Variants in DPEP1 observed in about 807,000 individuals in gnomAD.
DPEP1 encodes dipeptidase 1.
Under a neutral mutation model 42.3 loss-of-function variants are expected in DPEP1, and 50 were observed. The observed-to-expected ratio is 1.18, with a 90% CI of 0.94 to 1.50. DPEP1 has a LOEUF of 1.50. Among genes scored for constraint, DPEP1 ranks in the 40% most tolerant of loss-of-function variants. The pLI is 0.00. For missense variants in DPEP1, 663 were observed against 553.0 expected (o/e 1.20, Z -1.99); for synonymous variants, 297 against 234.0 (o/e 1.27, Z -2.46).
intron 1 of DPEP1, among the ~76,000 whole-genome samples, chr16:89,628,224 A>G (rs1189995000): frequency 3.6e-5 from 5 of 138,072 alleles, no homozygotes; most frequent in Non-Finnish European, 7.8e-5. Flanking sequence ...ACCCGGCCAC[A>G]AAAGGTATTT....
chr16:89,618,762 G>A (rs1056636907), intron 1 of DPEP1, among the ~76,000 whole-genome samples: 2 of 152,056 alleles, frequency 1.3e-5, no homozygotes, highest in African/African-American at 4.8e-5. Flanking sequence ...CCCGGGCAAA[G>A]TTGCACAATT....
intron 1 of DPEP1, among the ~76,000 whole-genome samples, chr16:89,626,742 C>G (rs1420876248): frequency 6.6e-6 from 1 of 152,128 alleles, no homozygotes; most frequent in East Asian, 1.9e-4. Flanking sequence ...CTCCCTTTGC[C>G]TTCGGCCATG....
chr16:89,626,195 T>C (rs558525430), intron 1 of DPEP1, among the ~76,000 whole-genome samples: 4 of 152,206 alleles, frequency 2.6e-5, no homozygotes, highest in African/African-American at 9.6e-5. Context: ...TGCGGTTTGG[T>C]TCTGTGTCCC....
chr16:89,637,881 C>A lies in DPEP1; in HGVS notation c.975C>A (p.Ile325=), dbSNP rs764111326. Residue 325 remains isoleucine, a synonymous_variant, in exon 10 of 11, where the codon ATC becomes ATA. Transcript: ENST00000690203. ...LEDVSKYPDL[I]AELLRRNWTE... is the part of the protein sequence containing the mutation. ...ACGTCTCCAAGTATCCAGACCTGAT[C>A]GCTGAGCTGCTCAGGAGGAACTGGA... 5.0e-6 allele frequency: 8 copies of A among 1,612,670 alleles called. No homozygotes were observed. In the Admixed American group the frequency reaches 1.3e-4, roughly 27 times the overall value.
chr16:89,613,848 G>A (rs185929952), intron 1 of DPEP1, 129 bp downstream of exon 1: 32 of 162,224 alleles, frequency 2.0e-4, no homozygotes, highest in Admixed American at 3.9e-4. Context: ...GGGACGCGGC[G>A]GCTTCCTGGG....
chr16:89,632,723 A>C (rs2059605565), intron 2 of DPEP1, among the ~76,000 whole-genome samples: 1 of 152,128 alleles, frequency 6.6e-6, no homozygotes, highest in South Asian at 2.1e-4. Context: ...TCCCACTGAG[A>C]AACCAGAGGC....
At chr16:89,637,428 TC>T in intron 7 of DPEP1, 39 bp from the exon 8 acceptor site, 1 of 1,612,742 alleles carries the variant, frequency 6.2e-7, no homozygotes, top group East Asian at 2.2e-5. Context: ...GGGCAGGCCC[TC>T]CCAGCTCTCA....
chr16:89,628,877 A>G (rs1404544619), intron 1 of DPEP1, among the ~76,000 whole-genome samples: 3 of 151,974 alleles, frequency 2.0e-5, no homozygotes, highest in African/African-American at 7.3e-5. Flanking sequence ...CCCAGGCTGA[A>G]GTGCAGTGGC....
At chr16:89,627,272 CAAAA>C (rs751000812) in intron 1 of DPEP1, among the ~76,000 whole-genome samples, 1 of 80,596 alleles carries the variant, frequency 1.2e-5, no homozygotes, top group Non-Finnish European at 2.3e-5. Context: ...GACTCCGTCT[CAAAA>C]AAAAAAAAAA....
At chr16:89,614,572 A>G (rs892616598) in intron 1 of DPEP1, among the ~76,000 whole-genome samples, 1 of 152,298 alleles carries the variant, frequency 6.6e-6, no homozygotes, top group East Asian at 1.9e-4. Context: ...AGGTGGGCAG[A>G]TCATGAGGTC....
intron 2 of DPEP1, among the ~76,000 whole-genome samples, chr16:89,631,001 C>T (rs1246738452): frequency 2.6e-5 from 4 of 152,058 alleles, no homozygotes; most frequent in African/African-American, 9.7e-5. Flanking sequence ...AGGCCACACT[C>T]CCTGGTCCCG....
intron 1 of DPEP1, among the ~76,000 whole-genome samples, chr16:89,617,860 C>A (rs1394880120): frequency 1.3e-5 from 2 of 151,946 alleles, no homozygotes; most frequent in African/African-American, 2.4e-5. Context: ...CCCATCTCTA[C>A]TAAAAATACA....
downstream of DPEP1, chr16:89,640,691 G>T (rs2139455): frequency 0.16 from 149,373 of 960,620 alleles, 12,018 homozygotes; most frequent in South Asian, 0.25. Flanking sequence ...GACTCGGGGG[G>T]TCCCTGGTGG....
chr16:89,635,931 T>C lies in DPEP1; in HGVS notation c.128T>C (p.Leu43Pro), dbSNP rs1278693643. The C allele has an allele frequency of 1.2e-6, 2 of 1,609,226 alleles. No homozygotes were observed. The highest frequency in any genetic ancestry group is 1.1e-5 in the South Asian group (1 of 90,616). Reference sequence around the variant, plus strand: ...AGGCACAATGACCTCCCCTGGCAGCTGCTGGATATGTTCAACAACCGGCTG... The same window carrying C: ...AGGCACAATGACCTCCCCTGGCAGCCGCTGGATATGTTCAACAACCGGCTG... ...IDGHNDLPWQ[L>P]LDMFNNRLQD... is the part of the protein sequence containing the mutation. The change falls in exon 3 of 11, where the codon CTG (leucine) becomes CCG (proline). Residue 43 changes from leucine to proline, a missense_variant. Physicochemically the swap from Leu to Pro is moderately conservative, Grantham distance 98. Coordinates refer to ENST00000690203, the MANE Select transcript of DPEP1 (RefSeq NM_001389466.1).
chr16:89,621,498 T>C (rs2151480914), intron 1 of DPEP1, among the ~76,000 whole-genome samples: 1 of 152,278 alleles, frequency 6.6e-6, no homozygotes, highest in Admixed American at 6.5e-5. Context: ...CTGCTGAGCC[T>C]GCTGTGAGCC....
At chr16:89,639,580 C>T (rs2059729186), downstream of DPEP1, among the ~76,000 whole-genome samples, 1 of 146,348 alleles carries the variant, frequency 6.8e-6, no homozygotes, top group Non-Finnish European at 1.5e-5. Context: ...CCCCACAACC[C>T]TGCACGAGCA....
At position 89,638,390 on chromosome 16, in the gene DPEP1, A is replaced by T; in HGVS notation, c.*168A>T. On this transcript the variant is annotated 3_prime_UTR_variant, in exon 11 of 11. Coordinates refer to ENST00000690203, the MANE Select transcript of DPEP1 (RefSeq NM_001389466.1). Reference sequence around the variant, plus strand: ...GCAGGATGCCTGGGGACAGTTCAGGACACACACACAGTAGGCCCGCAATAA... The same window carrying T: ...GCAGGATGCCTGGGGACAGTTCAGGTCACACACACAGTAGGCCCGCAATAA... 5.8e-6 allele frequency: 8 copies of T among 1,385,926 alleles called. No individual in the cohort carries two copies. The highest frequency in any genetic ancestry group is 7.5e-6 in the Non-Finnish European group (8 of 1,073,262). 85.9% of individuals were successfully genotyped at this position (1,385,926 alleles called of 1,614,324 possible).
At chr16:89,624,192 G>T (rs774717605) in intron 1 of DPEP1, among the ~76,000 whole-genome samples, 2 of 152,180 alleles carry the variant, frequency 1.3e-5, no homozygotes, top group Non-Finnish European at 2.9e-5. Flanking sequence ...AGTCTGCTTT[G>T]CATTGCTCCA....
chr16:89,626,219 T>A (rs2059509804), intron 1 of DPEP1, among the ~76,000 whole-genome samples: 1 of 152,172 alleles, frequency 6.6e-6, no homozygotes, highest in South Asian at 2.1e-4. Context: ...CCAAATCTCA[T>A]CTCAGATTAT....
Sources: allele counts gnomAD v4.1 joint callset (sites outside exome capture counted in the v4.1 genomes callset), GRCh38; gene constraint gnomAD v4.1.1; transcripts MANE v1.5; gene names NCBI Gene and HGNC (gene_info 2026-07-23, HGNC 2026-07-21).